LRRC49: variants seen among roughly 807,000 people sequenced by gnomAD.
The protein encoded by LRRC49 is leucine rich repeat containing 49.
LRRC49 carries 50 observed loss-of-function variants against 83.3 expected under a neutral mutation model. The ratio of observed to expected loss-of-function variants is 0.60; its 90% confidence interval spans 0.48 to 0.76. The LOEUF is 0.76. Among genes scored for constraint, LRRC49 ranks in the 30% least tolerant of loss-of-function variants. LRRC49 has a pLI of 0.00. For missense variants in LRRC49, 704 were observed against 809.1 expected, an observed-to-expected ratio of 0.87 and a Z score of 1.58; for synonymous variants, 286 against 283.3, an observed-to-expected ratio of 1.01 and a Z score of -0.10.
exon 2 of LRRC49, chr15:70,872,972 A>G (rs28442035): frequency 0.55 from 267,970 of 483,654 alleles, 77,471 homozygotes; most frequent in Admixed American, 0.71. Context: ...TGCAACCTCC[A>G]CCTCCCAGGT....
chr15:71,017,843 T>C (rs1393935981), intron 14 of LRRC49, among the ~76,000 whole-genome samples: 1 of 152,180 alleles, frequency 6.6e-6, no homozygotes, highest in Non-Finnish European at 1.5e-5. Context: ...GTAGTTTTAG[T>C]ACTAGGAATA....
intron 11 of LRRC49, among the ~76,000 whole-genome samples, chr15:70,985,368 C>T (rs1219432717): frequency 6.6e-6 from 1 of 152,014 alleles, no homozygotes; most frequent in African/African-American, 2.4e-5. Flanking sequence ...ATTTGCATTT[C>T]TCTGATGGCC....
chr15:71,038,765 A>G (rs2141300793), intron 15 of LRRC49, among the ~76,000 whole-genome samples: 1 of 152,332 alleles, frequency 6.6e-6, no homozygotes, highest in Non-Finnish European at 1.5e-5. Flanking sequence ...CTTACATAGT[A>G]AAAAGAACAA....
chr15:70,926,530 T>C (rs1309850625), intron 7 of LRRC49, among the ~76,000 whole-genome samples: 1 of 152,164 alleles, frequency 6.6e-6, no homozygotes, highest in Non-Finnish European at 1.5e-5. Flanking sequence ...TTTTTATTTT[T>C]ATTATACTTT....
At chr15:70,872,295 T>A (rs1450094782) in intron 1 of LRRC49, among the ~76,000 whole-genome samples, 1 of 152,120 alleles carries the variant, frequency 6.6e-6, no homozygotes. Flanking sequence ...CTGGGCAGGC[T>A]GAGGCAGGAG....
exon 2 of LRRC49, chr15:70,872,942 C>G (rs192959152): frequency 8.1e-6 from 3 of 369,402 alleles, no homozygotes; most frequent in East Asian, 8.9e-5. Context: ...GCTGGAGTGC[C>G]GTGGTGCGAT....
chr15:70,863,041 T>A (rs576403205), intron 1 of LRRC49, among the ~76,000 whole-genome samples: 1 of 152,312 alleles, frequency 6.6e-6, no homozygotes, highest in African/African-American at 2.4e-5. Context: ...GCCTCAGACT[T>A]GGTGCAACTA....
chr15:71,030,456 C>G (rs1029135929), intron 14 of LRRC49, among the ~76,000 whole-genome samples: 1 of 152,074 alleles, frequency 6.6e-6, no homozygotes, highest in African/African-American at 2.4e-5. Flanking sequence ...ACATTTTTTC[C>G]TTTGTTTCAA....
intron 7 of LRRC49, among the ~76,000 whole-genome samples, chr15:70,929,763 T>G (rs550434606): frequency 6.6e-6 from 1 of 152,344 alleles, no homozygotes; most frequent in South Asian, 2.1e-4. Context: ...GCAATGTTCA[T>G]AGCATCTTTT....
Position 70,929,721 on chromosome 15 carries a change from T to C in LRRC49, c.712-7040T>C, listed in dbSNP as rs116111926. On this transcript the variant is annotated intron_variant, in intron 7 of 15. Coordinates refer to ENST00000260382, the MANE Select transcript of LRRC49 (RefSeq NM_017691.5). ...GCTGGTGCTTTATCAACTAAGTTAATGTGATATTCTAAGTTGTTTGTTGTC... is the reference window on the plus strand; with the variant it reads ...GCTGGTGCTTTATCAACTAAGTTAACGTGATATTCTAAGTTGTTTGTTGTC... 4.8e-3 allele frequency among the ~76,000 whole-genome samples: 726 copies of C among 152,342 alleles called. 9 individuals carry two copies. The highest frequency in any genetic ancestry group is 0.017 in the African/African-American group (707 of 41,580).
chr15:70,941,649 T>C (rs1055701575), intron 8 of LRRC49, among the ~76,000 whole-genome samples: 2 of 152,196 alleles, frequency 1.3e-5, no homozygotes, highest in Non-Finnish European at 2.9e-5. Context: ...GCAGTCACTT[T>C]TTAAATTATT....
At chr15:70,989,000 A>G (rs12910257) in intron 11 of LRRC49, among the ~76,000 whole-genome samples, 169 of 151,566 alleles carry the variant, frequency 1.1e-3, no homozygotes, top group Non-Finnish European at 2.1e-3. Context: ...TTCTGCTGAG[A>G]GATCTGCTGT....
At chr15:71,018,892 T>C (rs1437745350) in intron 14 of LRRC49, among the ~76,000 whole-genome samples, 1 of 152,166 alleles carries the variant, frequency 6.6e-6, no homozygotes, top group African/African-American at 2.4e-5. Flanking sequence ...ATTAATTTGC[T>C]TAGAGTGGCT....
chr15:70,890,739 G>A (rs987124929), upstream of LRRC49, among the ~76,000 whole-genome samples: 3 of 152,150 alleles, frequency 2.0e-5, no homozygotes, highest in African/African-American at 7.2e-5. Flanking sequence ...GGGAGTGGGA[G>A]GGGCATAGTT....
chr15:70,892,518 G>C, upstream of LRRC49: 1 of 1,521,854 alleles, frequency 6.6e-7, no homozygotes, highest in Non-Finnish European at 8.8e-7. Context: ...CACAAGCAGA[G>C]GGATACAAAT....
rs2040011233 is a variant in LRRC49, at chr15:71,052,928, A to C, written c.*3316A>C. On this transcript the variant is annotated 3_prime_UTR_variant, in exon 16 of 16. Transcript: ENST00000260382. The stretch of plus-strand genomic sequence containing the variant: ...TGAGGAATAGCAAATAAAAGATGAG[A>C]ATTTCTCAACTGTGTCTACATGTGA... 6.6e-6 allele frequency: 1 copy of C among 152,252 alleles called. No individual in the cohort carries two copies. Among genetic ancestry groups the C allele is most frequent in the Non-Finnish European group, 1.5e-5 (1 of 68,048 alleles). 9.4% of individuals were successfully genotyped at this position (152,252 alleles called of 1,614,324 possible). A position where few individuals can be genotyped will look rare whatever the true frequency, so the allele number is the denominator to read the frequency against.
At chr15:71,033,210 C>T (rs2039413760) in intron 14 of LRRC49, among the ~76,000 whole-genome samples, 1 of 152,138 alleles carries the variant, frequency 6.6e-6, no homozygotes, top group South Asian at 2.1e-4. Context: ...CATTCCTACA[C>T]ACCAATATTA....
chr15:70,942,870 G>T (rs1216892236), intron 8 of LRRC49, among the ~76,000 whole-genome samples: 2 of 152,232 alleles, frequency 1.3e-5, no homozygotes, highest in African/African-American at 4.8e-5. Context: ...GAAAAGGTAA[G>T]ATAGCCCTCT....
chr15:71,044,366 A>G (rs186255831), intron 15 of LRRC49, among the ~76,000 whole-genome samples: 10 of 152,380 alleles, frequency 6.6e-5, no homozygotes, highest in Admixed American at 5.2e-4. Context: ...TTGATTGCTT[A>G]GAGATGCCTT....
Sources: allele counts gnomAD v4.1 joint callset (sites outside exome capture counted in the v4.1 genomes callset), GRCh38; gene constraint gnomAD v4.1.1; transcripts MANE v1.5; gene names NCBI Gene and HGNC (gene_info 2026-07-23, HGNC 2026-07-21).